The following HERC2 variants were observed in gnomAD, a reference collection of about 807,000 sequenced individuals.
HERC2 encodes the protein E3 ubiquitin-protein ligase HERC2.
In HERC2, 102 loss-of-function variants were observed where a neutral mutation model predicts 537.7. The observed-to-expected ratio is 0.19, with a 90% CI of 0.16 to 0.22. The LOEUF (loss-of-function observed/expected upper bound fraction) is 0.22, where lower values mean the gene tolerates loss of function less well. HERC2 is among the 10% of genes least tolerant of loss of function. The probability of loss-of-function intolerance (pLI) is 1.00; values close to 1 mark genes in which losing one functional copy is unlikely to be tolerated. For synonymous variants in HERC2, 2,224 were observed against 2,466.2 expected, an observed-to-expected ratio of 0.90 and a Z score of 2.91; for missense variants, 4,236 against 6,198.2, an observed-to-expected ratio of 0.68 and a Z score of 10.63.
At chr15:28,292,284 C>T (rs1377164744) in intron 4 of HERC2, among the ~76,000 whole-genome samples, 1 of 148,994 alleles carries the variant, frequency 6.7e-6, no homozygotes, top group East Asian at 2.0e-4. Context: ...GACATTTCTC[C>T]AGTGAATGTA....
intron 23 of HERC2, among the ~76,000 whole-genome samples, chr15:28,240,481 G>A (rs1029817549): frequency 1.3e-5 from 2 of 152,026 alleles, no homozygotes; most frequent in East Asian, 1.9e-4. Flanking sequence ...CAAAAATACA[G>A]AGAAGTATGA....
At position 28,272,974 on chromosome 15, in the gene HERC2, C is replaced by A; in HGVS notation, c.831G>T (p.Gly277=). 1 of 1,612,492 alleles carries A rather than the reference C, an allele frequency of 6.2e-7. No homozygotes were observed. The highest frequency in any genetic ancestry group is 8.5e-7 in the Non-Finnish European group (1 of 1,180,008). The stretch of plus-strand genomic sequence containing the variant: ...GGTCCTGCAGGGGGATGCTTCCTGG[C>A]CCTTTGGTGGCTGGCGTTCCGTGAA... ...GDVHGTPATK[G]PGSIPLQDQH... is the part of the protein sequence containing the mutation. Residue 277 remains glycine, a synonymous_variant, in exon 8 of 93, where the codon GGG becomes GGT. Coordinates refer to ENST00000261609, the MANE Select transcript of HERC2 (RefSeq NM_004667.6).
chr15:28,317,703 A>G (rs906598121), intron 2 of HERC2, among the ~76,000 whole-genome samples: 1 of 152,328 alleles, frequency 6.6e-6, no homozygotes, highest in African/African-American at 2.4e-5. Flanking sequence ...ACAGTTCTGC[A>G]TAGGAAATTG....
intron 67 of HERC2, 140 bp from the exon 68 acceptor site, chr15:28,167,967 G>T: frequency 1.1e-6 from 1 of 930,064 alleles, no homozygotes; most frequent in Non-Finnish European, 1.6e-6. Flanking sequence ...AGGTAACATG[G>T]TGCCCACCAG....
rs1001384670 is a variant in HERC2, at chr15:28,175,569, C to A, written c.9774G>T (p.Lys3258Asn). The change falls in exon 64 of 93, where the codon AAG becomes AAT. Residue 3258 changes from lysine (K) to asparagine (N), a missense_variant. Lys to Asn is a moderately conservative substitution (Grantham distance 94). Around this residue, in one of 27 missense-constraint regions of HERC2, gnomAD observed 93 missense variants for 265.1 expected, o/e 0.35. Coordinates refer to ENST00000261609, the MANE Select transcript of HERC2 (RefSeq NM_004667.6). ...GGGCCCCGACAGCCACATGCACGAT[C>A]TTCTTCCCTCTCAGCCCTTCCACCA... ...PQVVEGLRGK[K>N]IVHVAVGALH... 1.2e-6 allele frequency: 2 copies of A among 1,614,026 alleles called. No individual in the cohort carries two copies. Among genetic ancestry groups the A allele is most frequent in the African/African-American group, 2.7e-5 (2 of 74,942 alleles).
chr15:28,253,357 A>G (rs2075145297), intron 20 of HERC2, among the ~76,000 whole-genome samples: 1 of 152,232 alleles, frequency 6.6e-6, no homozygotes, highest in Non-Finnish European at 1.5e-5. Flanking sequence ...TGTAATATGT[A>G]AAGTGAGGCA....
chr15:28,265,563 A>G lies in HERC2; in HGVS notation c.1870+55T>C. ...TGTACTCATCTCACTTCCTCCAGGG[A>G]AGCTGCCATGCGTGTCCTCGTGGGC... On this transcript the variant is annotated intron_variant, in intron 14 of 92. Transcript: ENST00000261609. The surrounding 1 kb of genome is among the most constrained non-coding windows in gnomAD (Gnocchi z 4.0). The G allele has an allele frequency of 7.0e-7, 1 of 1,435,398 alleles. No individual in the cohort carries two copies. The highest frequency in any genetic ancestry group is 9.8e-7 in the Non-Finnish European group (1 of 1,020,564). 88.9% of individuals were successfully genotyped at this position (1,435,398 alleles called of 1,614,324 possible). A position where few individuals can be genotyped will look rare whatever the true frequency, so the allele number is the denominator to read the frequency against.
Position 28,263,203 on chromosome 15 carries a change from C to T in HERC2, c.1871-34G>A, listed in dbSNP as rs775273539. The T allele has an allele frequency of 4.4e-6, 7 of 1,585,902 alleles. No individual in the cohort carries two copies. In the South Asian group the frequency reaches 6.9e-5, roughly 16 times the overall value. On this transcript the variant is annotated intron_variant, in intron 14 of 92. Coordinates refer to ENST00000261609, the MANE Select transcript of HERC2 (RefSeq NM_004667.6). ...TACAAATGCATTTAAATAACAACAA[C>T]TCTGCATTTTAACGAAAAATTTTAA...
In HERC2 at chr15:28,177,519, TCA is replaced by T. The variant is rs1895408190; in HGVS notation, c.9164-12_9164-11del. The T allele has an allele frequency of 1.2e-6, 2 of 1,613,792 alleles. No homozygotes were observed. The highest frequency in any genetic ancestry group is 8.5e-7 in the Non-Finnish European group (1 of 1,179,796). ...GTCGCGTGCCGGCCACCTGCAACAT[TCA>T]CAGACACACGGATTGCCAAAGGGCA... On this transcript the variant is annotated splice_polypyrimidine_tract_variant and intron_variant, in intron 59 of 92. Transcript: ENST00000261609. The surrounding 1 kb of genome is among the most constrained non-coding windows in gnomAD (Gnocchi z 5.0).
At chr15:28,301,796 TCTAA>T in intron 2 of HERC2, among the ~76,000 whole-genome samples, 2 of 77,980 alleles carry the variant, frequency 2.6e-5, no homozygotes, top group African/African-American at 5.0e-5. Context: ...ATATATTCTA[TCTAA>T]CTTTTTTTTT....
chr15:28,237,053 T>C lies in HERC2; in HGVS notation c.3913A>G (p.Thr1305Ala), dbSNP rs1209550577. Reference sequence around the variant, plus strand: ...AGAAGCAGGCCCAGATTCCTCTCTGTGTCTATCAGAGGTGAAGAGAGACTC... The same window carrying C: ...AGAAGCAGGCCCAGATTCCTCTCTGCGTCTATCAGAGGTGAAGAGAGACTC... ...LGSLSSPLID[T>A]ERNLGLLLGL... The change falls in exon 26 of 93, where the codon ACA (threonine) becomes GCA (alanine). Residue 1305 changes from threonine (T) to alanine (A), a missense_variant. Thr to Ala is a moderately conservative substitution (Grantham distance 58). Around this residue, in one of 27 missense-constraint regions of HERC2, gnomAD observed 754 missense variants for 1,085.0 expected, o/e 0.69. Transcript: ENST00000261609. 1.9e-6 allele frequency: 3 copies of C among 1,603,312 alleles called. No homozygotes were observed. The highest frequency in any genetic ancestry group is 3.3e-5 in the Admixed American group (2 of 59,972).
intron 2 of HERC2, among the ~76,000 whole-genome samples, chr15:28,318,446 G>A (rs1397929614): frequency 6.6e-6 from 1 of 152,166 alleles, no homozygotes; most frequent in Non-Finnish European, 1.5e-5. Flanking sequence ...GGCCCACATG[G>A]TGGAGCCCTG....
In HERC2 at chr15:28,265,414, G is replaced by A. The variant is rs550404286; in HGVS notation, c.1870+204C>T. On this transcript the variant is annotated intron_variant, in intron 14 of 92. Transcript: ENST00000261609. The surrounding 1 kb of genome is among the most constrained non-coding windows in gnomAD (Gnocchi z 4.0). ...AATAAAATGCCCACACAGGAACGGC[G>A]GCAGCTGCTAACCAGCTGAGAGGCC... 2.4e-4 allele frequency among the ~76,000 whole-genome samples: 37 copies of A among 152,224 alleles called. No individual in the cohort carries two copies. Among genetic ancestry groups the A allele is most frequent in the South Asian group, 2.3e-3 (11 of 4,818 alleles).
At chr15:28,267,688 C>A (rs2075606292) in intron 12 of HERC2, among the ~76,000 whole-genome samples, 2 of 152,266 alleles carry the variant, frequency 1.3e-5, no homozygotes, top group Admixed American at 6.5e-5. Flanking sequence ...AGTTTGGGAT[C>A]TTCCCAGCGG....
chr15:28,137,286 G>A (rs1890745649), intron 78 of HERC2, among the ~76,000 whole-genome samples: 1 of 152,186 alleles, frequency 6.6e-6, no homozygotes, highest in South Asian at 2.1e-4. Context: ...GTCTGCCTCT[G>A]ATACGGTTCA....
intron 55 of HERC2, among the ~76,000 whole-genome samples, chr15:28,189,808 C>T (rs1896656961): frequency 6.6e-6 from 1 of 152,022 alleles, no homozygotes; most frequent in South Asian, 2.1e-4. Context: ...TTACAAATTA[C>T]TATTTGGTTA....
At chr15:28,275,649 G>A (rs1480647899) in intron 5 of HERC2, among the ~76,000 whole-genome samples, 1 of 152,146 alleles carries the variant, frequency 6.6e-6, no homozygotes, top group Non-Finnish European at 1.5e-5. Flanking sequence ...AGAGAGAAAA[G>A]GCTAGAATAC....
In HERC2 at chr15:28,125,279, C is replaced by T. The variant is rs112312024; in HGVS notation, c.12803-86G>A. On this transcript the variant is annotated intron_variant, in intron 83 of 92. Transcript: ENST00000261609. ...CAGTGTCTTCCCACCACACACAGCA[C>T]CAACGCTCCCTGCCCTTCAGCTGGT... The T allele has an allele frequency of 2.8e-6, 3 of 1,055,004 alleles. No individual in the cohort carries two copies. The East Asian group carries it at 7.2e-5, about 25-fold the overall frequency. 65.4% of individuals were successfully genotyped at this position (1,055,004 alleles called of 1,614,324 possible). A position where few individuals can be genotyped will look rare whatever the true frequency, so the allele number is the denominator to read the frequency against.
At chr15:28,112,937 A>G (rs545730574) in intron 92 of HERC2, 134 bp downstream of exon 92, 2 of 694,936 alleles carry the variant, frequency 2.9e-6, no homozygotes, top group Admixed American at 2.9e-5. Context: ...GAGAAGTTCG[A>G]TGTTTTCCAT....
Sources: gnomAD v4.1 joint callset for allele counts (sites outside exome capture counted in the v4.1 genomes callset) on GRCh38, gnomAD v4.1.1 for gene constraint, gnomAD v4.1.1 regional missense constraint, Gnocchi (gnomAD v3.1) non-coding constraint, MANE v1.5 for transcripts, NCBI Gene and HGNC (gene_info 2026-07-23, HGNC 2026-07-21) for gene names.